The following KIF24 variants were observed in gnomAD, a reference collection of about 807,000 sequenced individuals.
KIF24 encodes kinesin family member 24.
A neutral mutation model predicts 118.9 loss-of-function variants in KIF24; 81 were observed. That is an observed-to-expected ratio of 0.68 (90% CI 0.57 to 0.82). The LOEUF (loss-of-function observed/expected upper bound fraction) is 0.82, where lower values mean the gene tolerates loss of function less well. Ranked by LOEUF, KIF24 falls within the 40% of genes least tolerant of loss-of-function variation. The pLI, the probability that KIF24 is intolerant of heterozygous loss-of-function variation, is 0.00. For synonymous variants in KIF24, 599 were observed against 610.0 expected (o/e 0.98, Z 0.27); for missense variants, 1,560 against 1,661.6 (o/e 0.94, Z 1.06).
At chr9:34,271,782 TGTAAC>T (rs1835518472) in intron 7 of KIF24, 22 bp downstream of exon 7, 53 of 1,611,150 alleles carry the variant, frequency 3.3e-5, no homozygotes, top group Non-Finnish European at 4.2e-5. Context: ...AGGCAGACAA[TGTAAC>T]TCCCTGATAT....
At chr9:34,317,162 G>A (rs947986624) in intron 1 of KIF24, among the ~76,000 whole-genome samples, 8 of 151,748 alleles carry the variant, frequency 5.3e-5, no homozygotes, top group African/African-American at 1.9e-4. Flanking sequence ...AGGTTGCGGT[G>A]AGCTGAGATC....
intron 11 of KIF24, 43 bp downstream of exon 11, chr9:34,255,692 G>A: frequency 6.6e-7 from 1 of 1,507,768 alleles, no homozygotes; most frequent in Non-Finnish European, 9.0e-7. Context: ...GTGGAGGGTG[G>A]GTGCCAAAGG....
chr9:34,254,957 AGT>A, intron 12 of KIF24, 113 bp downstream of exon 12: 1 of 693,142 alleles, frequency 1.4e-6, no homozygotes, highest in South Asian at 1.7e-5. Flanking sequence ...AGTTATGGTT[AGT>A]GTGTGCCAGG....
At position 34,253,261 on chromosome 9, in the gene KIF24, A is replaced by G. The variant is rs975066651; in HGVS notation, c.*1119T>C. ...TTATCTGAAGGAAATAAAGGCTCAC[A>G]TAGTAATGGGCGTTCGGGCCAAGGC... On this transcript the variant is annotated 3_prime_UTR_variant, in exon 13 of 13. Transcript: ENST00000402558. The G allele has an allele frequency of 6.6e-6, 1 of 152,278 alleles. No homozygotes were observed. The highest frequency in any genetic ancestry group is 2.4e-5 in the African/African-American group (1 of 41,474). 9.4% of individuals were successfully genotyped at this position (152,278 alleles called of 1,614,324 possible). A position where few individuals can be genotyped will look rare whatever the true frequency, so the allele number is the denominator to read the frequency against.
intron 9 of KIF24, among the ~76,000 whole-genome samples, chr9:34,262,416 A>AT (rs1031478391): frequency 2.6e-5 from 4 of 151,084 alleles, no homozygotes; most frequent in African/African-American, 7.3e-5. Flanking sequence ...TGGATTTCAG[A>AT]TTTTTTTTCA....
intron 1 of KIF24, among the ~76,000 whole-genome samples, chr9:34,319,874 C>T (rs533055227): frequency 8.8e-4 from 134 of 152,324 alleles, no homozygotes; most frequent in African/African-American, 3.0e-3. Context: ...AGCCCAGAAA[C>T]TCCACATCCT....
intron 3 of KIF24, among the ~76,000 whole-genome samples, chr9:34,300,600 G>A (rs918589903): frequency 2.6e-5 from 4 of 151,900 alleles, no homozygotes; most frequent in Admixed American, 6.6e-5. Flanking sequence ...AAGAGCTCCC[G>A]AAGGTGATCC....
At chr9:34,281,964 T>C (rs1305150222) in intron 6 of KIF24, among the ~76,000 whole-genome samples, 1 of 152,134 alleles carries the variant, frequency 6.6e-6, no homozygotes, top group Admixed American at 6.6e-5. Flanking sequence ...TATAAAATGG[T>C]AAAGTCACTT....
intron 3 of KIF24, 55 bp from the exon 4 acceptor site, chr9:34,297,169 A>C (rs937541297): frequency 2.8e-6 from 3 of 1,054,192 alleles, no homozygotes; most frequent in Non-Finnish European, 4.3e-6. Flanking sequence ...TTTCTTAATC[A>C]CTATTCTAGT....
At chr9:34,278,885 G>T (rs1249762471) in intron 6 of KIF24, among the ~76,000 whole-genome samples, 1 of 152,204 alleles carries the variant, frequency 6.6e-6, no homozygotes, top group Admixed American at 6.5e-5. Flanking sequence ...GGGAGGCTGA[G>T]ATAGAGGATC....
chr9:34,326,812 A>C (rs534774344), intron 1 of KIF24, among the ~76,000 whole-genome samples: 1 of 152,226 alleles, frequency 6.6e-6, no homozygotes, highest in East Asian at 1.9e-4. Flanking sequence ...TCATTAGAGG[A>C]TCTTAAGTGG....
intron 6 of KIF24, among the ~76,000 whole-genome samples, chr9:34,279,991 T>C (rs1168703616): frequency 6.6e-6 from 1 of 152,078 alleles, no homozygotes; most frequent in Non-Finnish European, 1.5e-5. Context: ...TACTTTAGAA[T>C]AGAACAGTGC....
intron 3 of KIF24, among the ~76,000 whole-genome samples, chr9:34,301,740 G>C (rs910789937): frequency 7.9e-5 from 12 of 151,998 alleles, no homozygotes; most frequent in Non-Finnish European, 1.8e-4. Context: ...GGGAGGCTGA[G>C]GTGGGAGGAT....
intron 2 of KIF24, among the ~76,000 whole-genome samples, chr9:34,310,053 C>T (rs1837078500): frequency 6.6e-6 from 1 of 150,570 alleles, no homozygotes; most frequent in South Asian, 2.1e-4. Flanking sequence ...TATTTCACCT[C>T]TTAGGGACCT....
intron 1 of KIF24, among the ~76,000 whole-genome samples, chr9:34,326,660 T>C (rs1837681065): frequency 6.6e-6 from 1 of 152,036 alleles, no homozygotes; most frequent in African/African-American, 2.4e-5. Flanking sequence ...AATCAAGCCA[T>C]CAAACACGGA....
chr9:34,260,192 C>CA (rs1157767993), intron 9 of KIF24, among the ~76,000 whole-genome samples: 1 of 152,090 alleles, frequency 6.6e-6, no homozygotes, highest in Non-Finnish European at 1.5e-5. Context: ...GAACCTGTCT[C>CA]AAAAACAGGA....
In KIF24 at chr9:34,290,325, T is replaced by C. The variant is rs1165534157; in HGVS notation, c.976A>G (p.Thr326Ala). Residue 326 changes from threonine (T) to alanine (A), a missense_variant, in exon 5 of 13, where the codon ACT (threonine) becomes GCT (alanine). Transcript: ENST00000402558. The stretch of plus-strand genomic sequence containing the variant: ...GCATACAATCCTGGGTTCTCATGAG[T>C]TCCTATCATGGTGTAGGTCTTTCCA... ...GAGKTYTMIG[T>A]HENPGLYALA... 2 of 1,613,900 alleles carry C rather than the reference T, an allele frequency of 1.2e-6. No individual in the cohort carries two copies. The highest frequency in any genetic ancestry group is 1.7e-5 in the Admixed American group (1 of 60,020).
chr9:34,283,105 G>A (rs983356537), intron 6 of KIF24, among the ~76,000 whole-genome samples: 1 of 147,474 alleles, frequency 6.8e-6, no homozygotes, highest in African/African-American at 2.5e-5. Flanking sequence ...GGTGGCTCAT[G>A]CCTGTAATCC....
chr9:34,332,558 A>G (rs764073763), upstream of KIF24, among the ~76,000 whole-genome samples: 1 of 152,248 alleles, frequency 6.6e-6, no homozygotes, highest in Non-Finnish European at 1.5e-5. Flanking sequence ...ATTGTACAGC[A>G]GATGGCACTA....
Sources: allele counts gnomAD v4.1 joint callset (sites outside exome capture counted in the v4.1 genomes callset), GRCh38; gene constraint gnomAD v4.1.1; transcripts MANE v1.5; gene names NCBI Gene and HGNC (gene_info 2026-07-23, HGNC 2026-07-21).